Variants in CDC45 observed in about 807,000 individuals in gnomAD.
The protein encoded by CDC45 is cell division cycle 45.
CDC45 carries 54 observed loss-of-function variants against 77.8 expected under a neutral mutation model. That is an observed-to-expected ratio of 0.69 (90% CI 0.56 to 0.87). The LOEUF (loss-of-function observed/expected upper bound fraction) is 0.87, where lower values mean the gene tolerates loss of function less well. Among genes scored for constraint, CDC45 ranks in the 40% least tolerant of loss-of-function variants. The probability of loss-of-function intolerance (pLI) is 0.00; values close to 1 mark genes in which losing one functional copy is unlikely to be tolerated. For synonymous variants in CDC45, 260 were observed against 272.1 expected (o/e 0.96, Z 0.44); for missense variants, 649 against 721.6 (o/e 0.90, Z 1.15).
intron 9 of CDC45, among the ~76,000 whole-genome samples, chr22:19,500,207 C>T (rs992511408): frequency 6.6e-6 from 1 of 152,218 alleles, no homozygotes; most frequent in Non-Finnish European, 1.5e-5. Context: ...AGGTGAGGCC[C>T]CCACGGTCAC....
intron 4 of CDC45, among the ~76,000 whole-genome samples, 192 bp from the exon 5 acceptor site, chr22:19,483,668 ACT>A (rs1295463773): frequency 1.3e-5 from 2 of 152,170 alleles, no homozygotes; most frequent in Non-Finnish European, 2.9e-5. Context: ...GTATGGTGTA[ACT>A]CTGGTGCCTC....
Position 19,507,378 on chromosome 22 carries a change from A to G in CDC45, c.825-8A>G. 1 of 1,613,478 alleles carries G rather than the reference A, an allele frequency of 6.2e-7. No individual in the cohort carries two copies. The highest frequency in any genetic ancestry group is 1.7e-5 in the Admixed American group (1 of 60,018). ...GGGTGCTTGCATGCTCCTTGACTGCAGGCCCAGCCTCCGCCTGGTGCTCTA... is the reference window on the plus strand; with the variant it reads ...GGGTGCTTGCATGCTCCTTGACTGCGGGCCCAGCCTCCGCCTGGTGCTCTA... On this transcript the variant is annotated splice_region_variant and splice_polypyrimidine_tract_variant and intron_variant, in intron 10 of 18. Transcript: ENST00000263201.
Position 19,518,903 on chromosome 22 carries a change from T to C in CDC45, c.1696T>C (p.Ser566Pro). Residue 566 changes from serine (S) to proline (P), a missense_variant, in exon 18 of 19, where the codon TCC becomes CCC. Transcript: ENST00000263201. ...KFLDALISLL[S>P] is the part of the protein sequence containing the mutation. ...TCTGGACGCACTTATTTCCCTCCTG[T>C]CCTAGGGTGAGTTACAGGGGTTCTG... The C allele has an allele frequency of 1.9e-6, 3 of 1,613,658 alleles. No individual in the cohort carries two copies. Among genetic ancestry groups the C allele is most frequent in the Non-Finnish European group, 2.5e-6 (3 of 1,179,602 alleles).
intron 17 of CDC45, 25 bp from the exon 18 acceptor site, chr22:19,518,819 G>T: frequency 6.2e-7 from 1 of 1,606,466 alleles, no homozygotes. Context: ...CCCTTCTCAC[G>T]GCTGTTTTTC....
chr22:19,499,735 C>G (rs1318867408), intron 9 of CDC45, among the ~76,000 whole-genome samples: 1 of 152,222 alleles, frequency 6.6e-6, no homozygotes, highest in Non-Finnish European at 1.5e-5. Flanking sequence ...CTTCTTCTTT[C>G]ATCCCTGCTA....
intron 5 of CDC45, among the ~76,000 whole-genome samples, 178 bp downstream of exon 5, chr22:19,484,183 A>T (rs2090029587): frequency 6.6e-6 from 1 of 152,224 alleles, no homozygotes. Flanking sequence ...CAGGCAGGTT[A>T]CTGGACTTCC....
chr22:19,481,140 T>A, intron 3 of CDC45, 95 bp downstream of exon 3: 1 of 780,198 alleles, frequency 1.3e-6, no homozygotes, highest in Non-Finnish European at 2.2e-6. Flanking sequence ...AGCGTGTATT[T>A]AAGTATCAGC....
chr22:19,488,377 T>C (rs1046476948), intron 5 of CDC45, among the ~76,000 whole-genome samples: 8 of 152,230 alleles, frequency 5.3e-5, no homozygotes, highest in African/African-American at 1.7e-4. Context: ...GGCTAAGAAC[T>C]GGAAGCATGG....
intron 5 of CDC45, among the ~76,000 whole-genome samples, chr22:19,486,537 C>T (rs1440827804): frequency 6.6e-6 from 1 of 152,134 alleles, no homozygotes; most frequent in East Asian, 1.9e-4. Flanking sequence ...AGTACTTTAA[C>T]TTGCTTCTCT....
intron 2 of CDC45, 74 bp downstream of exon 2, chr22:19,480,291 CAG>C: frequency 2.2e-6 from 3 of 1,376,930 alleles, no homozygotes; most frequent in Admixed American, 1.7e-5. Context: ...GCAGGGCGGG[CAG>C]AGTGTCAGGA....
Position 19,516,895 on chromosome 22 carries a change from T to C in CDC45, c.1636+2T>C. On this transcript the variant is annotated splice_donor_variant, in intron 17 of 18. Transcript: ENST00000263201. LOFTEE classifies it high-confidence loss of function. The stretch of plus-strand genomic sequence containing the variant: ...TGCACAACCATTTTGACCTCTCAGG[T>C]GAGAGTCTCCTGCCACTCTGCCACA... The C allele has an allele frequency of 6.2e-7, 1 of 1,611,090 alleles. No individual in the cohort carries two copies. Among genetic ancestry groups the C allele is most frequent in the Non-Finnish European group, 8.5e-7 (1 of 1,177,524 alleles).
Position 19,507,421 on chromosome 22 carries a change from A to G in CDC45, c.860A>G (p.His287Arg). The G allele has an allele frequency of 6.2e-7, 1 of 1,614,114 alleles. No homozygotes were observed. The highest frequency in any genetic ancestry group is 1.3e-5 in the African/African-American group (1 of 75,038). Residue 287 changes from histidine to arginine, a missense_variant, in exon 11 of 19, where the codon CAT (histidine) becomes CGT (arginine). Transcript: ENST00000263201. Reference protein sequence around the residue: ...RLVLYQHWSLHDSLCNTSYTA... With the variant: ...RLVLYQHWSLRDSLCNTSYTA... ...GTGCTCTACCAGCACTGGTCCCTCC[A>G]TGACAGCCTGTGCAACACCAGCTAT... is the stretch of plus-strand genomic sequence containing the variant.
chr22:19,483,442 A>G (rs893062514), intron 4 of CDC45, among the ~76,000 whole-genome samples: 3 of 152,190 alleles, frequency 2.0e-5, no homozygotes, highest in Non-Finnish European at 2.9e-5. Flanking sequence ...CAAAAAAAAA[A>G]GAAAAGAAAA....
At chr22:19,490,141 T>C (rs1186460461) in intron 5 of CDC45, among the ~76,000 whole-genome samples, 3 of 152,234 alleles carry the variant, frequency 2.0e-5, no homozygotes, top group Non-Finnish European at 2.9e-5. Context: ...TCACATTCTT[T>C]AGTTTCATTC....
Position 19,520,553 on chromosome 22 carries a change from A to C in CDC45, c.*74A>C, listed in dbSNP as rs759027968. On this transcript the variant is annotated 3_prime_UTR_variant, in exon 19 of 19. Transcript: ENST00000263201. The surrounding 1 kb of genome is among the most constrained non-coding windows in gnomAD (Gnocchi z 4.5). ...ATTTAGATTGTAAGTTATGGACATG[A>C]TTTGAGATGTAGAAGCCATTTTTTA... 7 of 152,148 alleles carry C rather than the reference A, an allele frequency of 4.6e-5. No homozygotes were observed. Among genetic ancestry groups the C allele is most frequent in the Non-Finnish European group, 1.0e-4 (7 of 68,016 alleles). The allele number at this position is 152,148 out of a possible 1,614,324, so 9.4% of individuals were successfully genotyped here.
Position 19,516,870 on chromosome 22 carries a change from T to C in CDC45, c.1613T>C (p.Leu538Pro). Residue 538 changes from leucine (L) to proline (P), a missense_variant, in exon 17 of 19, where the codon CTG becomes CCG. Physicochemically the swap from Leu to Pro is moderately conservative, Grantham distance 98. Transcript: ENST00000263201. ...GCGGAAAGCACCAGCTCCCGGATGC[T>C]GCACAACCATTTTGACCTCTCAGGT... Reference protein sequence around the residue: ...KAAESTSSRMLHNHFDLSVIE... With the variant: ...KAAESTSSRMPHNHFDLSVIE... 1.9e-6 allele frequency: 3 copies of C among 1,614,062 alleles called. No homozygotes were observed. The highest frequency in any genetic ancestry group is 2.2e-5 in the South Asian group (2 of 91,078).
At chr22:19,493,694 T>G (rs2090192716) in intron 5 of CDC45, among the ~76,000 whole-genome samples, 1 of 152,204 alleles carries the variant, frequency 6.6e-6, no homozygotes, top group African/African-American at 2.4e-5. Flanking sequence ...TCCGCCCGCC[T>G]GTCTCCAAAG....
At chr22:19,518,806 CCTCCCTT>C (rs781139166) in intron 17 of CDC45, 31 bp from the exon 18 acceptor site, 11 of 1,568,210 alleles carry the variant, frequency 7.0e-6, no homozygotes, top group Middle Eastern at 1.7e-4. Flanking sequence ...TGTTCCCACT[CCTCCCTT>C]CTCACGGCTG....
chr22:19,487,763 T>A (rs2090093606), intron 5 of CDC45, among the ~76,000 whole-genome samples: 1 of 151,442 alleles, frequency 6.6e-6, no homozygotes, highest in African/African-American at 2.4e-5. Context: ...ATACAAAAAA[T>A]TTCCCGGGCA....
Sources: allele counts gnomAD v4.1 joint callset (sites outside exome capture counted in the v4.1 genomes callset), GRCh38; gene constraint gnomAD v4.1.1; non-coding constraint Gnocchi (gnomAD v3.1); transcripts MANE v1.5; gene names NCBI Gene and HGNC (gene_info 2026-07-23, HGNC 2026-07-21).